Variants in CLVS1 observed in about 807,000 individuals in gnomAD.
CLVS1 encodes clavesin-1.
In CLVS1, 10 loss-of-function variants were observed where a neutral mutation model predicts 33.1. That is an observed-to-expected ratio of 0.30 (90% confidence interval 0.19 to 0.51). The LOEUF is 0.51. Among genes scored for constraint, CLVS1 ranks in the 20% least tolerant of loss-of-function variants. The probability of loss-of-function intolerance (pLI) is 0.97; values close to 1 mark genes in which losing one functional copy is unlikely to be tolerated. For synonymous variants in CLVS1, 163 were observed against 166.1 expected (o/e 0.98, Z 0.14); for missense variants, 343 against 433.4 (o/e 0.79, Z 1.85).
chr8:61,151,631 G>A lies in CLVS1; in HGVS notation c.-152+19771G>A, dbSNP rs947169046. Among the ~76,000 whole-genome samples the A allele has an allele frequency of 2.6e-5, 4 of 152,126 alleles. 1 individual carries two copies. The highest frequency in any genetic ancestry group is 9.7e-5 in the African/African-American group (4 of 41,414). ...GAGGCAGTGAGGGATGGGAGCACCCGGGCCCCAGGTGTGCCTTTCACAGGG... is the reference window on the plus strand; with the variant it reads ...GAGGCAGTGAGGGATGGGAGCACCCAGGCCCCAGGTGTGCCTTTCACAGGG... On this transcript the variant is annotated intron_variant, in intron 2 of 2. Coordinates refer to the CLVS1 transcript ENST00000522621.
At chr8:61,192,518 T>A (rs7462896) in intron 2 of CLVS1, among the ~76,000 whole-genome samples, 115,345 of 152,080 alleles carry the variant, frequency 0.76, 44,604 homozygotes, top group Middle Eastern at 0.9. Context: ...GCTAATATTG[T>A]CAAATACGAT....
At chr8:60,993,748 TCTCTAGAG>T in the CLVS1 span, among the ~76,000 whole-genome samples, 1 of 152,060 alleles carries the variant, frequency 6.6e-6, no homozygotes, top group Non-Finnish European at 1.5e-5. Flanking sequence ...ATCAACCATT[TCTCTAGAG>T]CTACCATCGG....
intron 2 of CLVS1, among the ~76,000 whole-genome samples, chr8:61,256,256 T>C (rs973825474): frequency 2.0e-5 from 3 of 152,248 alleles, no homozygotes; most frequent in African/African-American, 7.2e-5. Context: ...GGCTCACGCC[T>C]GTAATCCCAG....
At chr8:61,454,065 G>T in intron 3 of CLVS1, 76 bp from the exon 4 acceptor site, 1 of 980,556 alleles carries the variant, frequency 1.0e-6, no homozygotes, top group South Asian at 1.3e-5. Context: ...GTTGTTCTTT[G>T]GGGCATTGGT....
chr8:61,205,319 C>T (rs754498661), intron 2 of CLVS1, among the ~76,000 whole-genome samples: 2 of 152,154 alleles, frequency 1.3e-5, no homozygotes, highest in African/African-American at 2.4e-5. Flanking sequence ...CCCCTCTCCC[C>T]CTCACTCCTG....
chr8:61,170,012 A>G (rs1013615217), intron 2 of CLVS1, among the ~76,000 whole-genome samples: 12 of 152,328 alleles, frequency 7.9e-5, no homozygotes, highest in African/African-American at 2.6e-4. Flanking sequence ...TAATTAATAT[A>G]TAATAAGCTG....
the CLVS1 span, among the ~76,000 whole-genome samples, chr8:61,051,520 G>A: frequency 3.4e-4 from 52 of 152,350 alleles, no homozygotes; most frequent in African/African-American, 1.2e-3. Context: ...GCCCTCCTGG[G>A]CTTGTCAGAA....
intron 2 of CLVS1, among the ~76,000 whole-genome samples, chr8:61,373,744 T>G (rs1254384361): frequency 1.3e-5 from 2 of 152,360 alleles, no homozygotes; most frequent in East Asian, 3.8e-4. Flanking sequence ...TAACTACCTT[T>G]TGGTGTTGGA....
intron 1 of CLVS1, among the ~76,000 whole-genome samples, chr8:61,075,232 C>T (rs1804889160): frequency 6.6e-6 from 1 of 152,156 alleles, no homozygotes; most frequent in Non-Finnish European, 1.5e-5. Context: ...TAGCAGTCAG[C>T]AGCAAATGAA....
chr8:61,004,651 C>T, the CLVS1 span, among the ~76,000 whole-genome samples: 34 of 152,292 alleles, frequency 2.2e-4, 1 homozygote, highest in East Asian at 3.1e-3. Flanking sequence ...AACAAAGCAG[C>T]GACACAAACA....
At chr8:61,485,089 C>A (rs1381994927) in intron 5 of CLVS1, among the ~76,000 whole-genome samples, 2 of 151,854 alleles carry the variant, frequency 1.3e-5, no homozygotes, top group African/African-American at 4.8e-5. Flanking sequence ...CCAAAATTGA[C>A]AAATGGTATC....
intron 2 of CLVS1, among the ~76,000 whole-genome samples, chr8:61,336,344 G>A (rs1191889411): frequency 6.6e-6 from 1 of 152,170 alleles, no homozygotes; most frequent in Non-Finnish European, 1.5e-5. Context: ...TAACAAGAGG[G>A]AAGCAAATGT....
chr8:61,032,897 T>C, the CLVS1 span, among the ~76,000 whole-genome samples: 1 of 149,880 alleles, frequency 6.7e-6, no homozygotes, highest in African/African-American at 2.5e-5. Flanking sequence ...CTCAAAACTC[T>C]AGAGTTTGAG....
intron 3 of CLVS1, among the ~76,000 whole-genome samples, chr8:61,381,378 C>A (rs1052611816): frequency 3.9e-5 from 6 of 152,110 alleles, no homozygotes; most frequent in African/African-American, 1.2e-4. Flanking sequence ...CACCTATCTC[C>A]CTAGTGTCCT....
At chr8:61,497,975 G>A (rs1032229561) in intron 5 of CLVS1, among the ~76,000 whole-genome samples, 7 of 152,048 alleles carry the variant, frequency 4.6e-5, no homozygotes, top group East Asian at 1.9e-4. Flanking sequence ...TCTTGGTTTC[G>A]GTGGGTTTTG....
chr8:61,180,971 A>G (rs1027522524), intron 2 of CLVS1, among the ~76,000 whole-genome samples: 3 of 152,174 alleles, frequency 2.0e-5, no homozygotes, highest in African/African-American at 7.2e-5. Context: ...TCAACATAAC[A>G]TTGGAAGTTC....
intron 1 of CLVS1, among the ~76,000 whole-genome samples, chr8:61,061,928 T>A (rs1804590510): frequency 6.6e-6 from 1 of 152,126 alleles, no homozygotes; most frequent in Non-Finnish European, 1.5e-5. Context: ...TGTTTTGCCT[T>A]CTATTATGTT....
chr8:61,043,745 G>A, the CLVS1 span, among the ~76,000 whole-genome samples: 1 of 152,200 alleles, frequency 6.6e-6, no homozygotes, highest in Non-Finnish European at 1.5e-5. Flanking sequence ...GCAGAACATT[G>A]TTCCACTAAT....
intron 2 of CLVS1, among the ~76,000 whole-genome samples, chr8:61,267,185 A>T (rs1280865085): frequency 6.6e-6 from 1 of 152,238 alleles, no homozygotes; most frequent in Non-Finnish European, 1.5e-5. Flanking sequence ...CCTTCACAGC[A>T]TACCACCAGC....
Sources: gnomAD v4.1 joint callset for allele counts (sites outside exome capture counted in the v4.1 genomes callset) on GRCh38, gnomAD v4.1.1 for gene constraint, MANE v1.5 for transcripts, NCBI Gene and HGNC (gene_info 2026-07-23, HGNC 2026-07-21) for gene names.